The following SLC37A3 variants were observed in gnomAD, a reference collection of about 807,000 sequenced individuals.
The protein encoded by SLC37A3 is sugar phosphate exchanger 3.
In SLC37A3, 51 loss-of-function variants were observed where a neutral mutation model predicts 67.1. The observed-to-expected ratio is 0.76, with a 90% CI of 0.61 to 0.96. The LOEUF is 0.96. Ranked by LOEUF, SLC37A3 falls within the 40% of genes least tolerant of loss-of-function variation. The pLI, the probability that SLC37A3 is intolerant of heterozygous loss-of-function variation, is 0.00. For synonymous variants in SLC37A3, 214 were observed against 231.4 expected (o/e 0.92, Z 0.68); for missense variants, 508 against 603.0 (o/e 0.84, Z 1.65).
intron 4 of SLC37A3, among the ~76,000 whole-genome samples, chr7:140,367,540 G>C (rs1797650917): frequency 6.6e-6 from 1 of 152,150 alleles, no homozygotes; most frequent in Non-Finnish European, 1.5e-5. Flanking sequence ...CACATTGCCT[G>C]GACATTGAGA....
At chr7:140,368,570 A>T (rs1267280803) in intron 4 of SLC37A3, among the ~76,000 whole-genome samples, 1 of 152,058 alleles carries the variant, frequency 6.6e-6, no homozygotes. Flanking sequence ...TCTGTCTCAA[A>T]AATAAAAAAT....
At chr7:140,392,787 C>T (rs1391722015) in intron 1 of SLC37A3, among the ~76,000 whole-genome samples, 9 of 151,978 alleles carry the variant, frequency 5.9e-5, no homozygotes, top group Non-Finnish European at 1.3e-4. Context: ...TATTATATGC[C>T]TAAGGTATAA....
chr7:140,345,236 G>C lies in SLC37A3; in HGVS notation c.1154C>G (p.Ala385Gly). The part of the protein sequence containing the change: ...SRSPNDKSIN[A>G]LLMTVTGFFI... Reference sequence around the variant, plus strand: ...CGTACCTGTAACAGTCATCAGAAGGGCATTGATGGACTTATCATTTGGAGA... The same window carrying C: ...CGTACCTGTAACAGTCATCAGAAGGCCATTGATGGACTTATCATTTGGAGA... Residue 385 changes from alanine (A) to glycine (G), a missense_variant, in exon 12 of 15, where the codon GCC (alanine) becomes GGC (glycine). Coordinates refer to ENST00000326232, the MANE Select transcript of SLC37A3 (RefSeq NM_207113.3). 1 of 1,613,998 alleles carries C rather than the reference G, an allele frequency of 6.2e-7. No individual in the cohort carries two copies. Among genetic ancestry groups the C allele is most frequent in the Admixed American group, 1.7e-5 (1 of 60,014 alleles).
At position 140,335,108 on chromosome 7, in the gene SLC37A3, C is replaced by T. The variant is rs1411373224; in HGVS notation, c.*304G>A. On this transcript the variant is annotated 3_prime_UTR_variant, in exon 15 of 15. Coordinates refer to ENST00000326232, the MANE Select transcript of SLC37A3 (RefSeq NM_207113.3). ...CAAAACAACAGTTAAGGTTAAAACG[C>T]TAAACCTCAATAGGCCAAACAAAGA... 5 of 1,027,648 alleles carry T rather than the reference C, an allele frequency of 4.9e-6. No homozygotes were observed. In the Admixed American group the frequency reaches 8.5e-5, roughly 17 times the overall value. 63.7% of individuals were successfully genotyped at this position (1,027,648 alleles called of 1,614,324 possible).
At chr7:140,372,769 A>C (rs941243298) in intron 3 of SLC37A3, among the ~76,000 whole-genome samples, 5 of 151,798 alleles carry the variant, frequency 3.3e-5, no homozygotes, top group Admixed American at 6.6e-5. Context: ...AAGCTGAGGC[A>C]GTAGAATTGC....
In SLC37A3 at chr7:140,355,736, C is replaced by G; in HGVS notation, c.550G>C (p.Ala184Pro). The G allele has an allele frequency of 6.2e-7, 1 of 1,613,908 alleles. No individual in the cohort carries two copies. The highest frequency in any genetic ancestry group is 8.5e-7 in the Non-Finnish European group (1 of 1,179,908). Residue 184 changes from alanine (A) to proline (P), a missense_variant, in exon 7 of 15, where the codon GCC becomes CCC. Transcript: ENST00000326232. ...GRGVVFGLWSACASVGNILGA... is the reference protein window; with the variant it reads ...GRGVVFGLWSPCASVGNILGA... ...AAAATGTTGCCCACCGAAGCACAGGCACTCCAGAGACCAAAAACAACTCCT... is the reference window on the plus strand; with the variant it reads ...AAAATGTTGCCCACCGAAGCACAGGGACTCCAGAGACCAAAAACAACTCCT...
intron 6 of SLC37A3, among the ~76,000 whole-genome samples, chr7:140,357,626 T>C (rs1294872579): frequency 6.7e-6 from 1 of 148,792 alleles, no homozygotes; most frequent in Non-Finnish European, 1.5e-5. Context: ...CATTTATATA[T>C]AAAATTATGG....
intron 9 of SLC37A3, among the ~76,000 whole-genome samples, chr7:140,349,642 T>C (rs1796714326): frequency 6.6e-6 from 1 of 152,166 alleles, no homozygotes; most frequent in African/African-American, 2.4e-5. Context: ...TTAAAACAGC[T>C]TCCCTGGCAG....
At chr7:140,350,565 C>A (rs1796752486) in intron 9 of SLC37A3, among the ~76,000 whole-genome samples, 1 of 152,154 alleles carries the variant, frequency 6.6e-6, no homozygotes, top group Admixed American at 6.5e-5. Flanking sequence ...GAGATGGAGA[C>A]CATCCCGGCT....
At chr7:140,364,251 C>T (rs79198325) in intron 5 of SLC37A3, among the ~76,000 whole-genome samples, 157 bp downstream of exon 5, 1 of 149,670 alleles carries the variant, frequency 6.7e-6, no homozygotes, top group Admixed American at 6.7e-5. Context: ...GATTCTGTCT[C>T]GGGGGGGAAA....
chr7:140,358,681 G>A lies in SLC37A3; in HGVS notation c.480C>T (p.Pro160=). 1 of 1,614,130 alleles carries A rather than the reference G, an allele frequency of 6.2e-7. No individual in the cohort carries two copies. Among genetic ancestry groups the A allele is most frequent in the Admixed American group, 1.7e-5 (1 of 60,014 alleles). Residue 160 remains proline, a synonymous_variant, in exon 6 of 15, where the codon CCC becomes CCT. Transcript: ENST00000326232. ...AGTTGCCCATAACAGCAACCACACA[G>A]GGCCAACCAGTGGACTGCAGCAGGC... The part of the protein sequence containing the change: ...VNGLLQSTGW[P]CVVAVMGNWF...
intron 8 of SLC37A3, 71 bp from the exon 9 acceptor site, chr7:140,351,522 C>T (rs1796800806): frequency 3.5e-6 from 5 of 1,428,640 alleles, no homozygotes; most frequent in Non-Finnish European, 4.8e-6. Flanking sequence ...TACATCCCTA[C>T]TTATGAGGTG....
At chr7:140,370,196 A>T (rs1797769349) in intron 3 of SLC37A3, among the ~76,000 whole-genome samples, 1 of 151,208 alleles carries the variant, frequency 6.6e-6, no homozygotes, top group African/African-American at 2.4e-5. Flanking sequence ...TAGTAATTGT[A>T]CATATTGAGG....
chr7:140,351,988 G>C (rs751452551), intron 8 of SLC37A3, 74 bp downstream of exon 8: 1 of 1,413,196 alleles, frequency 7.1e-7, no homozygotes, highest in Non-Finnish European at 9.8e-7. Flanking sequence ...AAAGAGATTC[G>C]ATTTCTTGGC....
chr7:140,350,910 T>G (rs891881974), intron 9 of SLC37A3, among the ~76,000 whole-genome samples: 7 of 152,206 alleles, frequency 4.6e-5, no homozygotes, highest in Non-Finnish European at 1.0e-4. Flanking sequence ...TTTGCCTTTT[T>G]AATCACATAC....
intron 1 of SLC37A3, among the ~76,000 whole-genome samples, chr7:140,387,659 A>AATATAAATATATTAT (rs1484394566): frequency 8.6e-6 from 1 of 116,880 alleles, no homozygotes; most frequent in Non-Finnish European, 1.7e-5. Context: ...ATATTATATA[A>AATATAAATATATTAT]ATATAAATAT....
intron 1 of SLC37A3, among the ~76,000 whole-genome samples, chr7:140,395,773 TG>T (rs912644414): frequency 1.3e-5 from 2 of 151,960 alleles, no homozygotes; most frequent in African/African-American, 4.8e-5. Context: ...ATACCAAGGA[TG>T]GGGAAAAAAA....
intron 13 of SLC37A3, among the ~76,000 whole-genome samples, chr7:140,341,942 T>C (rs902283428): frequency 6.6e-6 from 1 of 152,210 alleles, no homozygotes; most frequent in Non-Finnish European, 1.5e-5. Context: ...CAGGTAAGCG[T>C]ATTTTTCAAG....
intron 6 of SLC37A3, among the ~76,000 whole-genome samples, chr7:140,356,398 A>T (rs1318618570): frequency 6.6e-6 from 1 of 152,020 alleles, no homozygotes; most frequent in Non-Finnish European, 1.5e-5. Flanking sequence ...AAAAACACTC[A>T]AGTGGCCAGG....
Sources: allele counts gnomAD v4.1 joint callset (sites outside exome capture counted in the v4.1 genomes callset), GRCh38; gene constraint gnomAD v4.1.1; transcripts MANE v1.5; gene names NCBI Gene and HGNC (gene_info 2026-07-23, HGNC 2026-07-21).